The following APBB2 variants were observed in gnomAD, a reference collection of about 807,000 sequenced individuals.
APBB2 encodes the protein amyloid beta precursor protein binding family B member 2, also known as Fe65-like 1.
Under a neutral mutation model 82.5 loss-of-function variants are expected in APBB2, and 38 were observed. That is an observed-to-expected ratio of 0.46 (90% CI 0.36 to 0.60). APBB2 has a LOEUF of 0.60. APBB2 is among the 20% of genes least tolerant of loss of function. The pLI, the probability that APBB2 is intolerant of heterozygous loss-of-function variation, is 0.00. For synonymous variants in APBB2, 341 were observed against 368.2 expected (o/e 0.93, Z 0.85); for missense variants, 772 against 972.3 (o/e 0.79, Z 2.74).
intron 12 of APBB2, among the ~76,000 whole-genome samples, chr4:40,835,597 C>A (rs116798431): frequency 6.6e-6 from 1 of 152,200 alleles, no homozygotes; most frequent in African/African-American, 2.4e-5. Flanking sequence ...GCTCAGGTGC[C>A]GCTGCAGGGG....
Position 40,973,976 on chromosome 4 carries a change from C to T in APBB2, c.836-28903G>A, listed in dbSNP as rs184816488. On this transcript the variant is annotated intron_variant, in intron 6 of 17. Coordinates refer to ENST00000508593, the MANE Select transcript of APBB2 (RefSeq NM_004307.2). ...AAGCAATTATCCTGCCTCAGCCTTCCGAGTAGCTGGGATTACAGGCACGCG... is the reference window on the plus strand; with the variant it reads ...AAGCAATTATCCTGCCTCAGCCTTCTGAGTAGCTGGGATTACAGGCACGCG... Among the ~76,000 whole-genome samples, 407 of 151,988 alleles carry T rather than the reference C, an allele frequency of 2.7e-3. 4 individuals are homozygous for T. Among genetic ancestry groups the T allele is most frequent in the African/African-American group, 9.2e-3 (382 of 41,460 alleles).
At chr4:41,147,217 G>C (rs1364489607) in intron 1 of APBB2, among the ~76,000 whole-genome samples, 1 of 152,140 alleles carries the variant, frequency 6.6e-6, no homozygotes, top group Non-Finnish European at 1.5e-5. Flanking sequence ...GATAATGAGG[G>C]TAAGTTTAAA....
At chr4:41,083,624 G>C (rs1738500713) in intron 3 of APBB2, among the ~76,000 whole-genome samples, 2 of 144,204 alleles carry the variant, frequency 1.4e-5, no homozygotes, top group Admixed American at 1.5e-4. Flanking sequence ...GAAGGTGGAG[G>C]CTGCAGTGAG....
At chr4:40,893,063 G>T (rs1186019143) in intron 11 of APBB2, 7 of 496,016 alleles carry the variant, frequency 1.4e-5, no homozygotes, top group African/African-American at 9.9e-5. Context: ...CTCTCTCCAG[G>T]CCCCAGTCCT....
intron 10 of APBB2, among the ~76,000 whole-genome samples, chr4:40,907,092 T>A (rs1776967261): frequency 6.6e-6 from 1 of 152,070 alleles, no homozygotes; most frequent in African/African-American, 2.4e-5. Context: ...TCTTGTTCAA[T>A]CAACTTAATC....
chr4:40,857,993 C>T (rs1284433249), intron 12 of APBB2, among the ~76,000 whole-genome samples: 1 of 152,178 alleles, frequency 6.6e-6, no homozygotes, highest in Non-Finnish European at 1.5e-5. Context: ...ACACAAAGCA[C>T]TTAGCAGTAC....
chr4:41,195,465 C>T, intron 1 of APBB2, among the ~76,000 whole-genome samples: 3 of 145,268 alleles, frequency 2.1e-5, no homozygotes, highest in Non-Finnish European at 3.0e-5. Flanking sequence ...TTCCACTGCT[C>T]CTACCTGCAT....
intron 2 of APBB2, among the ~76,000 whole-genome samples, chr4:41,103,049 C>A (rs1016222504): frequency 1.3e-5 from 2 of 152,122 alleles, no homozygotes; most frequent in African/African-American, 2.4e-5. Flanking sequence ...ATAAAAGATA[C>A]TTGTTATTTA....
chr4:41,118,823 G>A (rs1266435787), intron 2 of APBB2, among the ~76,000 whole-genome samples: 1 of 152,134 alleles, frequency 6.6e-6, no homozygotes, highest in Non-Finnish European at 1.5e-5. Flanking sequence ...CAGTTTTCCT[G>A]TAAATCTAAA....
chr4:41,001,096 G>A (rs942927188), intron 6 of APBB2, among the ~76,000 whole-genome samples: 2 of 152,120 alleles, frequency 1.3e-5, no homozygotes, highest in Admixed American at 6.5e-5. Context: ...ATCCCTAGAG[G>A]CCTCCATCAG....
At chr4:40,838,285 C>T (rs1387157469) in intron 12 of APBB2, among the ~76,000 whole-genome samples, 1 of 141,406 alleles carries the variant, frequency 7.1e-6, no homozygotes, top group East Asian at 2.1e-4. Flanking sequence ...GCCTTGGCTT[C>T]TTGAGTAGCT....
At chr4:40,858,602 T>C (rs1762034366) in intron 12 of APBB2, among the ~76,000 whole-genome samples, 1 of 152,098 alleles carries the variant, frequency 6.6e-6, no homozygotes, top group Non-Finnish European at 1.5e-5. Context: ...AGTATTTAAC[T>C]ATAGGTCTTG....
At chr4:41,053,659 T>C (rs1282006751) in intron 4 of APBB2, among the ~76,000 whole-genome samples, 1 of 152,136 alleles carries the variant, frequency 6.6e-6, no homozygotes, top group Non-Finnish European at 1.5e-5. Context: ...AAGCCATAAA[T>C]ACACACAATA....
intron 1 of APBB2, among the ~76,000 whole-genome samples, chr4:41,202,482 A>C (rs901439675): frequency 3.3e-5 from 5 of 152,216 alleles, no homozygotes; most frequent in African/African-American, 9.6e-5. Flanking sequence ...GGATATAAAA[A>C]CACTAAGGAT....
chr4:41,010,539 G>C (rs542868448), intron 6 of APBB2, among the ~76,000 whole-genome samples: 1 of 152,262 alleles, frequency 6.6e-6, no homozygotes, highest in East Asian at 1.9e-4. Flanking sequence ...GGGAGTTAAC[G>C]TGTACATTTC....
chr4:40,997,318 C>A (rs1360449781), intron 6 of APBB2, among the ~76,000 whole-genome samples: 1 of 152,196 alleles, frequency 6.6e-6, no homozygotes, highest in East Asian at 1.9e-4. Context: ...AGGTCCTAGA[C>A]CAAACCTCTG....
intron 2 of APBB2, among the ~76,000 whole-genome samples, chr4:41,110,549 G>A (rs926531655): frequency 2.3e-4 from 34 of 150,126 alleles, no homozygotes; most frequent in Non-Finnish European, 3.1e-4. Context: ...GTTGCAGTGA[G>A]CCGAGATCGC....
chr4:41,051,085 C>G (rs902363661), intron 4 of APBB2, among the ~76,000 whole-genome samples: 39 of 151,674 alleles, frequency 2.6e-4, no homozygotes, highest in Admixed American at 3.3e-4. Flanking sequence ...AACTTAAGGG[C>G]AGGAAGGAAA....
At chr4:41,000,854 A>G (rs571182261) in intron 6 of APBB2, among the ~76,000 whole-genome samples, 23 of 152,188 alleles carry the variant, frequency 1.5e-4, no homozygotes, top group Non-Finnish European at 2.4e-4. Context: ...TTCCAAGCAC[A>G]CAAAGTTAAA....
Sources: gnomAD v4.1 joint callset for allele counts (sites outside exome capture counted in the v4.1 genomes callset) on GRCh38, gnomAD v4.1.1 for gene constraint, MANE v1.5 for transcripts, NCBI Gene and HGNC (gene_info 2026-07-23, HGNC 2026-07-21) for gene names.